Variants in LMBRD1 observed in about 807,000 individuals in gnomAD.
The protein encoded by LMBRD1 is lysosomal cobalamin transport escort protein LMBD1.
Under a neutral mutation model 74.8 loss-of-function variants are expected in LMBRD1, and 64 were observed. That is an observed-to-expected ratio of 0.86 (90% CI 0.70 to 1.05). The LOEUF (loss-of-function observed/expected upper bound fraction) is 1.05. Among genes scored for constraint, LMBRD1 ranks in the 50% least tolerant of loss-of-function variants. The pLI, the probability that LMBRD1 is intolerant of heterozygous loss-of-function variation, is 0.00. For missense variants in LMBRD1, 652 were observed against 645.9 expected (o/e 1.01, Z -0.10); for synonymous variants, 204 against 216.3 (o/e 0.94, Z 0.50).
chr6:69,686,939 A>C (rs1765776720), intron 14 of LMBRD1, among the ~76,000 whole-genome samples: 1 of 152,212 alleles, frequency 6.6e-6, no homozygotes, highest in Admixed American at 6.5e-5. Flanking sequence ...AGACTACTGC[A>C]TGACCCACAA....
Position 69,796,974 on chromosome 6 carries a change from C to T in LMBRD1, c.-93G>A, listed in dbSNP as rs577636278. ...GCGCGAGATATACTGCACCCGCGCA[C>T]CCTAAAGGTTAAAGGGGCGGAGGGG... is the stretch of plus-strand genomic sequence containing the variant. On this transcript the variant is annotated 5_prime_UTR_variant, in exon 1 of 16. The change creates a new upstream start codon in the 5' untranslated region. Transcript: ENST00000649934. 3 of 1,110,232 alleles carry T rather than the reference C, an allele frequency of 2.7e-6. No homozygotes were observed. The highest frequency in any genetic ancestry group is 2.6e-5 in the South Asian group (2 of 76,012). The allele number at this position is 1,110,232 out of a possible 1,614,324, so 68.8% of individuals were successfully genotyped here.
chr6:69,739,102 A>G (rs1767038753), intron 6 of LMBRD1, among the ~76,000 whole-genome samples: 1 of 152,152 alleles, frequency 6.6e-6, no homozygotes, highest in Non-Finnish European at 1.5e-5. Flanking sequence ...AGGTGTTTAT[A>G]CAACTAGGAG....
chr6:69,741,950 T>G (rs1767113691), intron 5 of LMBRD1, 73 bp from the exon 6 acceptor site: 1 of 867,502 alleles, frequency 1.2e-6, no homozygotes, highest in Non-Finnish European at 1.9e-6. Flanking sequence ...GAAACTCAAA[T>G]TATTTTTCTC....
At chr6:69,783,270 G>A (rs1765876638) in intron 2 of LMBRD1, among the ~76,000 whole-genome samples, 1 of 152,202 alleles carries the variant, frequency 6.6e-6, no homozygotes, top group Non-Finnish European at 1.5e-5. Context: ...AATGATTCAA[G>A]TATCCAAATG....
intron 6 of LMBRD1, among the ~76,000 whole-genome samples, chr6:69,740,253 A>C (rs1767071697): frequency 6.6e-6 from 1 of 152,236 alleles, no homozygotes; most frequent in South Asian, 2.1e-4. Flanking sequence ...ATCTAGAGTG[A>C]TAAGTAACAT....
At chr6:69,706,156 T>C in intron 9 of LMBRD1, 3 of 521,192 alleles carry the variant, frequency 5.8e-6, no homozygotes, top group Non-Finnish European at 1.1e-5. Context: ...CATCAAATCT[T>C]CCATCAGGTG....
At chr6:69,699,552 A>G (rs1026588886) in intron 12 of LMBRD1, among the ~76,000 whole-genome samples, 2 of 151,810 alleles carry the variant, frequency 1.3e-5, no homozygotes, top group African/African-American at 2.4e-5. Flanking sequence ...AGACAATGTC[A>G]TGTGTTTATA....
intron 9 of LMBRD1, among the ~76,000 whole-genome samples, chr6:69,709,191 G>A (rs1276528412): frequency 2.0e-5 from 3 of 151,550 alleles, no homozygotes; most frequent in African/African-American, 7.3e-5. Flanking sequence ...CCGAGATTGC[G>A]CCATTGGACT....
rs201663222 is a variant in LMBRD1, at chr6:69,749,277, TA to T, written c.473+63del. ...CCTAGATTTTTCTGAATGATCCTTT[TA>T]TTTTTTTTTTCAAATAATTCTATTT... On this transcript the variant is annotated intron_variant, in intron 5 of 15. Transcript: ENST00000649934. The T allele has an allele frequency of 3.6e-3, 4,542 of 1,270,536 alleles. 76 individuals carry two copies. The African/African-American group carries it at 0.054, about 15-fold the overall frequency. The allele number at this position is 1,270,536 out of a possible 1,614,324, so 78.7% of individuals were successfully genotyped here. A position where few individuals can be genotyped will look rare whatever the true frequency, so the allele number is the denominator to read the frequency against.
intron 3 of LMBRD1, among the ~76,000 whole-genome samples, chr6:69,759,252 A>G (rs1255660528): frequency 6.6e-6 from 1 of 152,164 alleles, no homozygotes; most frequent in African/African-American, 2.4e-5. Context: ...TTATAGGAGG[A>G]AGAGAAACAT....
intron 14 of LMBRD1, among the ~76,000 whole-genome samples, chr6:69,691,380 CTTCT>C (rs1007536819): frequency 2.6e-5 from 4 of 151,990 alleles, no homozygotes; most frequent in African/African-American, 4.8e-5. Context: ...AAAGTTTTTT[CTTCT>C]TTAACATTCT....
intron 9 of LMBRD1, among the ~76,000 whole-genome samples, chr6:69,703,186 T>G (rs1014351588): frequency 6.6e-6 from 1 of 152,136 alleles, no homozygotes; most frequent in African/African-American, 2.4e-5. Flanking sequence ...GACTCCTTTA[T>G]AGTAACAACT....
intron 14 of LMBRD1, 125 bp downstream of exon 14, chr6:69,697,438 C>G (rs1200677033): frequency 5.6e-6 from 4 of 711,650 alleles, no homozygotes; most frequent in Non-Finnish European, 1.0e-5. Context: ...ATTTACCAAC[C>G]TCTACTTGCT....
At chr6:69,740,087 C>T (rs1767067742) in intron 6 of LMBRD1, among the ~76,000 whole-genome samples, 1 of 151,324 alleles carries the variant, frequency 6.6e-6, no homozygotes, top group African/African-American at 2.5e-5. Context: ...GCCGGGGTGA[C>T]AGAGCAAGAC....
At chr6:69,725,405 T>C (rs144868803) in intron 7 of LMBRD1, among the ~76,000 whole-genome samples, 217 of 148,580 alleles carry the variant, frequency 1.5e-3, no homozygotes, top group African/African-American at 5.2e-3. Context: ...GTATACAGAA[T>C]CCCAAAGACC....
chr6:69,756,500 G>A (rs142835719), intron 3 of LMBRD1, among the ~76,000 whole-genome samples: 262 of 152,256 alleles, frequency 1.7e-3, no homozygotes, highest in East Asian at 3.9e-3. Flanking sequence ...CCAAGTGTTG[G>A]CAAGAATGCA....
intron 2 of LMBRD1, 84 bp from the exon 3 acceptor site, chr6:69,780,638 AT>A: frequency 2.1e-6 from 2 of 950,410 alleles, no homozygotes; most frequent in Non-Finnish European, 3.4e-6. Flanking sequence ...ACGACTGAAT[AT>A]CACTTCCAAA....
chr6:69,742,882 G>T lies in LMBRD1; in HGVS notation c.474-1005C>A, dbSNP rs188511944. On this transcript the variant is annotated intron_variant, in intron 5 of 15. Transcript: ENST00000649934. ...ATGACTGGGCACAGCATGTCAGGGG[G>T]TTACTTAAATTTCTAACTATCTGCA... Among the ~76,000 whole-genome samples, 300 of 151,904 alleles carry T rather than the reference G, an allele frequency of 2.0e-3. 1 individual carries two copies. The highest frequency in any genetic ancestry group is 7.0e-3 in the African/African-American group (290 of 41,422).
intron 8 of LMBRD1, 37 bp downstream of exon 8, chr6:69,718,919 T>G: frequency 6.2e-7 from 1 of 1,609,554 alleles, no homozygotes; most frequent in Non-Finnish European, 8.5e-7. Context: ...GACAAAGTAG[T>G]TTTATGCTTC....
Sources: allele counts gnomAD v4.1 joint callset (sites outside exome capture counted in the v4.1 genomes callset), GRCh38; gene constraint gnomAD v4.1.1; transcripts MANE v1.5; gene names NCBI Gene and HGNC (gene_info 2026-07-23, HGNC 2026-07-21).